The following TMLHE variants were observed in gnomAD, a reference collection of about 807,000 sequenced individuals.
TMLHE encodes the protein trimethyllysine dioxygenase, mitochondrial.
In TMLHE, 18 loss-of-function variants were observed where a neutral mutation model predicts 25.7. That is an observed-to-expected ratio of 0.70 (90% CI 0.48 to 1.04). The LOEUF is 1.04. Ranked by LOEUF, TMLHE falls within the 50% of genes least tolerant of loss-of-function variation. The probability of loss-of-function intolerance (pLI) is 0.00; values close to 1 mark genes in which losing one functional copy is unlikely to be tolerated. For synonymous variants in TMLHE, 105 were observed against 97.0 expected, an observed-to-expected ratio of 1.08 and a Z score of -0.49; for missense variants, 236 against 259.0, an observed-to-expected ratio of 0.91 and a Z score of 0.61.
At chrX:155,534,278 G>T (rs1395448317) in intron 2 of TMLHE, among the ~76,000 whole-genome samples, 4 of 112,329 alleles carry the variant, frequency 3.6e-5, no homozygotes, top group Non-Finnish European at 7.5e-5. Context: ...TTCTTCCTCA[G>T]GCTAGAGTGC....
intron 1 of TMLHE, among the ~76,000 whole-genome samples, chrX:155,546,392 G>C (rs1379801690): frequency 9.0e-6 from 1 of 111,512 alleles, no homozygotes; most frequent in African/African-American, 3.3e-5. Context: ...AAGACTGAGA[G>C]AGCTATGTGA....
rs1176347326 is a variant in TMLHE at position 155,573,094 on chromosome X, G to T, written c.-1-27817C>A. 3.5e-5 allele frequency among the ~76,000 whole-genome samples: 2 copies of T among 56,919 alleles called. 1 individual carries two copies. Among genetic ancestry groups the T allele is most frequent in the East Asian group, 1.5e-3 (2 of 1,366 alleles). The allele number at this position is 56,919 out of a possible 115,157, so 49.4% of individuals were successfully genotyped here. A position where few individuals can be genotyped will look rare whatever the true frequency, so the allele number is the denominator to read the frequency against. ...TCACAACCTACTCATCTGACAAAGGGCTAATATCCAGAATCTACAATGAAC... is the reference window on the plus strand; with the variant it reads ...TCACAACCTACTCATCTGACAAAGGTCTAATATCCAGAATCTACAATGAAC... On this transcript the variant is annotated intron_variant, in intron 1 of 7. Coordinates refer to ENST00000334398, the MANE Select transcript of TMLHE (RefSeq NM_018196.4).
intron 2 of TMLHE, among the ~76,000 whole-genome samples, chrX:155,533,627 A>T (rs1460655168): frequency 3.5e-4 from 39 of 111,706 alleles, no homozygotes; most frequent in Non-Finnish European, 3.8e-5. Flanking sequence ...GAGGTCAGAA[A>T]AAAAAAGAGG....
chrX:155,587,848 A>G (rs993775577), intron 1 of TMLHE, among the ~76,000 whole-genome samples: 1 of 112,295 alleles, frequency 8.9e-6, no homozygotes, highest in Admixed American at 9.4e-5. Context: ...AAGAAATTTA[A>G]GAGAACAGAA....
At chrX:155,583,716 G>A (rs1199728882) in intron 1 of TMLHE, among the ~76,000 whole-genome samples, 2 of 111,909 alleles carry the variant, frequency 1.8e-5, no homozygotes, top group Non-Finnish European at 3.8e-5. Flanking sequence ...AAACAGAAAA[G>A]AAAATGCCAC....
At chrX:155,523,363 G>A (rs2067200222) in intron 3 of TMLHE, among the ~76,000 whole-genome samples, 1 of 111,055 alleles carries the variant, frequency 9.0e-6, no homozygotes, top group Non-Finnish European at 1.9e-5. Flanking sequence ...TGAGACTTGA[G>A]TTGAGGTTCT....
rs183716946 is a variant in TMLHE at position 155,592,620 on chromosome X, T to C, written c.-2+20172A>G. Among the ~76,000 whole-genome samples the C allele has an allele frequency of 1.3e-3, 149 of 111,787 alleles. 1 individual carries two copies. The highest frequency in any genetic ancestry group is 4.5e-3 in the African/African-American group (139 of 30,806). ...CAACTAGATTTCTAGCATTCCAAGA[T>C]GCTCCCCAGGAAGCCCACTCTAGTC... On this transcript the variant is annotated intron_variant, in intron 1 of 7. Coordinates refer to ENST00000334398, the MANE Select transcript of TMLHE (RefSeq NM_018196.4).
At chrX:155,607,429 T>C (rs1603102275) in intron 1 of TMLHE, among the ~76,000 whole-genome samples, 2 of 111,114 alleles carry the variant, frequency 1.8e-5, no homozygotes, top group African/African-American at 6.5e-5. Context: ...TACCTCAAAA[T>C]AATAAGAGCT....
intron 2 of TMLHE, among the ~76,000 whole-genome samples, chrX:155,540,513 C>T (rs2067304317): frequency 9.1e-6 from 1 of 110,301 alleles, no homozygotes; most frequent in African/African-American, 3.3e-5. Flanking sequence ...GATCACCACT[C>T]AATCTGCCCC....
intron 1 of TMLHE, among the ~76,000 whole-genome samples, chrX:155,596,089 A>C (rs782498773): frequency 2.7e-5 from 3 of 112,210 alleles, no homozygotes; most frequent in Non-Finnish European, 5.6e-5. Flanking sequence ...GATTTAAGGC[A>C]GGAATGGATA....
intron 1 of TMLHE, among the ~76,000 whole-genome samples, chrX:155,569,466 G>A (rs2067533543): frequency 1.8e-5 from 1 of 56,655 alleles, no homozygotes; most frequent in South Asian, 9.9e-4. Flanking sequence ...CAACATTCAG[G>A]TTCAGGAAAT....
At chrX:155,531,426 T>G (rs1357619635) in intron 2 of TMLHE, among the ~76,000 whole-genome samples, 1 of 109,195 alleles carries the variant, frequency 9.2e-6, no homozygotes, top group African/African-American at 3.3e-5. Context: ...CAAGAGAGAG[T>G]GAAGAAGTGC....
intron 6 of TMLHE, among the ~76,000 whole-genome samples, chrX:155,500,343 A>G (rs2124309995): frequency 9.1e-6 from 1 of 109,882 alleles, no homozygotes; most frequent in East Asian, 2.8e-4. Flanking sequence ...ACTTCCCAAA[A>G]GAAGACATTT....
At chrX:155,547,265 C>G (rs2067354336) in intron 1 of TMLHE, among the ~76,000 whole-genome samples, 1 of 90,293 alleles carries the variant, frequency 1.1e-5, no homozygotes, top group Non-Finnish European at 2.3e-5. Flanking sequence ...CTGCCTCAGC[C>G]TCCCGAGTAG....
In TMLHE at chrX:155,556,846, G is replaced by A. The variant is rs782206620; in HGVS notation, c.-1-11569C>T. Among the ~76,000 whole-genome samples, 32 of 111,007 alleles carry A rather than the reference G, an allele frequency of 2.9e-4. 1 individual carries two copies. The highest frequency in any genetic ancestry group is 1.0e-3 in the African/African-American group (31 of 30,639). ...CGACCATAAGAGACAGGTACGCCCCGGGGGGGCCAGTTCAGAGACCTACCC... is the reference window on the plus strand; with the variant it reads ...CGACCATAAGAGACAGGTACGCCCCAGGGGGGCCAGTTCAGAGACCTACCC... On this transcript the variant is annotated intron_variant, in intron 1 of 7. Transcript: ENST00000334398.
rs782315707 is a variant in TMLHE at position 155,607,258 on chromosome X, G to A, written c.-2+5534C>T. Among the ~76,000 whole-genome samples, 4 of 112,079 alleles carry A rather than the reference G, an allele frequency of 3.6e-5. No individual in the cohort carries two copies. In the South Asian group the frequency reaches 1.5e-3, roughly 42 times the overall value. On this transcript the variant is annotated intron_variant, in intron 1 of 7. Coordinates refer to ENST00000334398, the MANE Select transcript of TMLHE (RefSeq NM_018196.4). ...GCAGGCTTTATCCCTGGGATGCAAG[G>A]TTGGTTCAATGTATGCAAATCAATA... is the stretch of plus-strand genomic sequence containing the variant.
intron 1 of TMLHE, 22 bp from the exon 2 acceptor site, chrX:155,545,299 A>G (rs782532906): frequency 8.7e-7 from 1 of 1,146,943 alleles, no homozygotes; most frequent in East Asian, 3.0e-5. Flanking sequence ...GATAATAACA[A>G]GTTAGTAGTA....
chrX:155,597,253 C>G (rs1210630496), intron 1 of TMLHE, among the ~76,000 whole-genome samples: 1 of 110,490 alleles, frequency 9.1e-6, no homozygotes, highest in African/African-American at 3.3e-5. Flanking sequence ...AAATGCTCAT[C>G]ATCACTGGCC....
At chrX:155,556,440 TG>T (rs2067456173) in intron 1 of TMLHE, among the ~76,000 whole-genome samples, 2 of 110,557 alleles carry the variant, frequency 1.8e-5, no homozygotes, top group Admixed American at 9.7e-5. Flanking sequence ...ATTTTAAAGC[TG>T]GGCGTCCTGG....
Sources: allele counts gnomAD v4.1 joint callset (sites outside exome capture counted in the v4.1 genomes callset), GRCh38; gene constraint gnomAD v4.1.1; transcripts MANE v1.5; gene names NCBI Gene and HGNC (gene_info 2026-07-23, HGNC 2026-07-21).